NEMP2: variants seen among roughly 807,000 people sequenced by gnomAD.
NEMP2 encodes nuclear envelope integral membrane protein 2.
Under a neutral mutation model 54.2 loss-of-function variants are expected in NEMP2, and 53 were observed. That is an observed-to-expected ratio of 0.98 (90% CI 0.78 to 1.23). NEMP2 has a LOEUF of 1.23. NEMP2 is among the 50% of genes most tolerant of loss of function. The probability of loss-of-function intolerance (pLI) is 0.00; values close to 1 mark genes in which losing one functional copy is unlikely to be tolerated. For missense variants in NEMP2, 455 were observed against 511.3 expected, an observed-to-expected ratio of 0.89 and a Z score of 1.06; for synonymous variants, 197 against 190.3, an observed-to-expected ratio of 1.04 and a Z score of -0.29.
chr2:190,538,679 G>A (rs552676987), upstream of NEMP2, among the ~76,000 whole-genome samples: 8 of 151,710 alleles, frequency 5.3e-5, no homozygotes, highest in Admixed American at 5.2e-4. The surrounding 1 kb of genome is among the most constrained non-coding windows in gnomAD (Gnocchi z 4.1). Flanking sequence ...ATACCTCATT[G>A]TGATTTTGAT....
the NEMP2 span, among the ~76,000 whole-genome samples, chr2:190,572,836 TATATATATATATATA>T: frequency 4.7e-3 from 446 of 93,912 alleles, 25 homozygotes; most frequent in African/African-American, 0.015. Context: ...TTCATGAGTA[TATATATATATATATA>T]TATATATATA....
the NEMP2 span, among the ~76,000 whole-genome samples, chr2:190,613,380 AAT>A: frequency 6.6e-6 from 1 of 151,854 alleles, no homozygotes; most frequent in African/African-American, 2.4e-5. Flanking sequence ...TAAATAAAAT[AAT>A]GTTTTATTTA....
rs770441688 is a variant in NEMP2, at chr2:190,525,523, T to C, written c.98-145A>G. 77 of 539,632 alleles carry C rather than the reference T, an allele frequency of 1.4e-4. No individual in the cohort carries two copies. In the Middle Eastern group the frequency reaches 2.9e-3, roughly 20 times the overall value. 33.4% of individuals were successfully genotyped at this position (539,632 alleles called of 1,614,324 possible). On this transcript the variant is annotated intron_variant, in intron 1 of 8. Transcript: ENST00000409150. The surrounding 1 kb of genome is among the most constrained non-coding windows in gnomAD (Gnocchi z 5.0). ...CTATATGATAATTATAGTCCTTCAG[T>C]GTTTCCAACCAAGGAGGAGACAGAT...
the NEMP2 span, among the ~76,000 whole-genome samples, chr2:190,578,339 C>T: frequency 6.6e-6 from 1 of 151,872 alleles, no homozygotes; most frequent in Non-Finnish European, 1.5e-5. The surrounding 1 kb of genome is among the most constrained non-coding windows in gnomAD (Gnocchi z 4.4). Context: ...AGCTTCCTTC[C>T]ATCCTCCCTC....
the NEMP2 span, chr2:190,435,990 A>G: frequency 1.9e-4 from 293 of 1,568,472 alleles, 3 homozygotes; most frequent in African/African-American, 3.7e-3. Flanking sequence ...AACAGTACAA[A>G]TTCTGAAGTT....
chr2:190,466,295 C>CTA, the NEMP2 span, among the ~76,000 whole-genome samples: 3 of 152,206 alleles, frequency 2.0e-5, no homozygotes, highest in Non-Finnish European at 4.4e-5. Flanking sequence ...TCAGTCATAA[C>CTA]AGTGCATACT....
chr2:190,518,188 C>A (rs1343846908), intron 4 of NEMP2, among the ~76,000 whole-genome samples: 1 of 152,224 alleles, frequency 6.6e-6, no homozygotes, highest in Non-Finnish European at 1.5e-5. Flanking sequence ...AAAAAGATTT[C>A]TTTCTCATGA....
At position 190,521,907 on chromosome 2, in the gene NEMP2, G is replaced by A. The variant is rs920072129; in HGVS notation, c.214-2724C>T. Among the ~76,000 whole-genome samples, 1 of 151,922 alleles carries A rather than the reference G, an allele frequency of 6.6e-6. No individual in the cohort carries two copies. Among genetic ancestry groups the A allele is most frequent in the African/African-American group, 2.4e-5 (1 of 41,328 alleles). ...GAACTCTTAATATAAGACTGACCCA[G>A]GCTTAGCCATTGGTCCTCTTCTCTT... On this transcript the variant is annotated intron_variant, in intron 2 of 8. Coordinates refer to ENST00000409150, the MANE Select transcript of NEMP2 (RefSeq NM_001142645.2). This position sits in a 1 kb window ranked among gnomAD's most constrained non-coding sequence, Gnocchi z 6.2.
At chr2:190,456,531 T>C in the NEMP2 span, among the ~76,000 whole-genome samples, 3 of 152,280 alleles carry the variant, frequency 2.0e-5, 1 homozygote, top group South Asian at 6.2e-4. The surrounding 1 kb of genome is among the most constrained non-coding windows in gnomAD (Gnocchi z 5.4). Context: ...CCCTGGCTGC[T>C]CTAGGAACCT....
At chr2:190,498,733 G>T in the NEMP2 span, among the ~76,000 whole-genome samples, 1 of 152,174 alleles carries the variant, frequency 6.6e-6, no homozygotes, top group African/African-American at 2.4e-5. This position sits in a 1 kb window ranked among gnomAD's most constrained non-coding sequence, Gnocchi z 5.9. Flanking sequence ...GAGAAAGGAT[G>T]ATTTTAATAT....
chr2:190,437,233 A>G, the NEMP2 span: 5 of 1,614,232 alleles, frequency 3.1e-6, no homozygotes, highest in Non-Finnish European at 4.2e-6. The surrounding 1 kb of genome is among the most constrained non-coding windows in gnomAD (Gnocchi z 5.9). Context: ...CGATGATTCT[A>G]AAGGGAAAGA....
chr2:190,625,382 G>A, the NEMP2 span: 1 of 152,216 alleles, frequency 6.6e-6, no homozygotes, highest in East Asian at 1.9e-4. Flanking sequence ...GAGACAGAAA[G>A]TAGATTAATG....
chr2:190,444,663 C>T, the NEMP2 span, among the ~76,000 whole-genome samples: 1,200 of 152,212 alleles, frequency 7.9e-3, 7 homozygotes, highest in African/African-American at 0.026. Context: ...CTAAAGAAAA[C>T]AAACATAAAG....
the NEMP2 span, among the ~76,000 whole-genome samples, chr2:190,498,628 A>T: frequency 3.9e-5 from 6 of 152,114 alleles, no homozygotes; most frequent in Admixed American, 3.9e-4. The surrounding 1 kb of genome is among the most constrained non-coding windows in gnomAD (Gnocchi z 5.9). Context: ...AAGATAATAA[A>T]CTCACATCAT....
the NEMP2 span, among the ~76,000 whole-genome samples, chr2:190,480,485 G>C: frequency 6.6e-6 from 1 of 152,180 alleles, no homozygotes; most frequent in African/African-American, 2.4e-5. Context: ...ATTTAAAGCT[G>C]AACCTTCATT....
At position 190,528,516 on chromosome 2, in the gene NEMP2, C is replaced by A. The variant is rs1691026759; in HGVS notation, c.98-3138G>T. 6.6e-6 allele frequency among the ~76,000 whole-genome samples: 1 copy of A among 152,158 alleles called. No individual in the cohort carries two copies. Among genetic ancestry groups the A allele is most frequent in the African/African-American group, 2.4e-5 (1 of 41,432 alleles). The stretch of plus-strand genomic sequence containing the variant: ...AGGGCAGGTGAAGAGCATGAAGTCT[C>A]AGGTACACGGACCCAGCAGCCCAAA... On this transcript the variant is annotated intron_variant, in intron 1 of 8. Coordinates refer to ENST00000409150, the MANE Select transcript of NEMP2 (RefSeq NM_001142645.2). The surrounding 1 kb of genome is among the most constrained non-coding windows in gnomAD (Gnocchi z 4.3).
chr2:190,609,312 G>GT, the NEMP2 span: 1 of 151,876 alleles, frequency 6.6e-6, no homozygotes, highest in South Asian at 2.1e-4. The surrounding 1 kb of genome is among the most constrained non-coding windows in gnomAD (Gnocchi z 4.7). Flanking sequence ...TAGAGCCTCA[G>GT]TAAGTTTACT....
chr2:190,534,092 G>T, intron 1 of NEMP2: 1 of 985,932 alleles, frequency 1.0e-6, no homozygotes, highest in Non-Finnish European at 1.2e-6. Flanking sequence ...CTCCGATTCT[G>T]AAGCTGAAGC....
the NEMP2 span, among the ~76,000 whole-genome samples, chr2:190,550,156 T>C: frequency 5.1e-4 from 78 of 152,198 alleles, no homozygotes; most frequent in Non-Finnish European, 1.5e-4. This position sits in a 1 kb window ranked among gnomAD's most constrained non-coding sequence, Gnocchi z 4.7. Flanking sequence ...TTTGGGGTGC[T>C]ATAACAAAAT....
Sources: gnomAD v4.1 joint callset for allele counts (sites outside exome capture counted in the v4.1 genomes callset) on GRCh38, gnomAD v4.1.1 for gene constraint, Gnocchi (gnomAD v3.1) non-coding constraint, MANE v1.5 for transcripts, NCBI Gene and HGNC (gene_info 2026-07-23, HGNC 2026-07-21) for gene names.